Variants in BRCA2 observed in about 807,000 individuals in gnomAD.
The protein encoded by BRCA2 is BRCA2 DNA repair associated, also known as breast cancer type 2 susceptibility protein.
BRCA2 carries 203 observed loss-of-function variants against 276.7 expected under a neutral mutation model. That is an observed-to-expected ratio of 0.73 (90% confidence interval 0.65 to 0.82). The LOEUF is 0.82. Among genes scored for constraint, BRCA2 ranks in the 40% least tolerant of loss-of-function variants. BRCA2 has a pLI of 0.00. For synonymous variants in BRCA2, 1,289 were observed against 1,338.4 expected (o/e 0.96, Z 0.81); for missense variants, 3,920 against 3,915.0 (o/e 1.00, Z -0.03).
chr13:32,390,198 G>A (rs190158430), intron 24 of BRCA2, among the ~76,000 whole-genome samples: 252 of 152,228 alleles, frequency 1.7e-3, no homozygotes, highest in Non-Finnish European at 2.7e-3. Flanking sequence ...AATCTTCAGT[G>A]GTCCCCTGTC....
chr13:32,321,171 G>A (rs2072303513), intron 3 of BRCA2, among the ~76,000 whole-genome samples: 1 of 152,174 alleles, frequency 6.6e-6, no homozygotes, highest in Non-Finnish European at 1.5e-5. Flanking sequence ...ACAGGGCAAA[G>A]CATATGCAGA....
At position 32,339,400 on chromosome 13, in the gene BRCA2, G is replaced by C. The variant is rs41293493; in HGVS notation, c.5045G>C (p.Ser1682Thr). The C allele has an allele frequency of 6.3e-7, 1 of 1,596,296 alleles. No homozygotes were observed. The highest frequency in any genetic ancestry group is 8.5e-7 in the Non-Finnish European group (1 of 1,172,698). Residue 1682 changes from serine (S) to threonine (T), a missense_variant, in exon 11 of 27, where the codon AGT becomes ACT. Ser to Thr is a moderately conservative substitution (Grantham distance 58, BLOSUM62 1). Around this residue, in one of 2 missense-constraint regions of BRCA2, gnomAD observed 3,263 missense variants for 3,156.9 expected, o/e 1.03. Coordinates refer to ENST00000380152, the MANE Select transcript of BRCA2 (RefSeq NM_000059.4). ...YTSCSRKTSV[S>T]QTSLLEAKKW... ...AGTTGTAGTAGAAAAACTTCTGTGA[G>C]TCAGACTTCATTACTTGAAGCAAAA...
chr13:32,322,916 A>G (rs761808245), intron 3 of BRCA2, among the ~76,000 whole-genome samples: 1 of 152,210 alleles, frequency 6.6e-6, no homozygotes, highest in African/African-American at 2.4e-5. Context: ...TATATTTTCA[A>G]CTCATTTTGG....
Position 32,332,323 on chromosome 13 carries a change from A to G in BRCA2, c.845A>G (p.His282Arg), listed in dbSNP as rs774063092. ...NSFKVNSCKD[H>R]IGKSMPNVLE... ...TTTAAAGTAAATAGCTGCAAAGACC[A>G]CATTGGAAAGTCAATGCCAAATGTC... The change falls in exon 10 of 27, where the codon CAC becomes CGC. Residue 282 changes from histidine (H) to arginine (R), a missense_variant. Physicochemically the swap from His to Arg is conservative, Grantham distance 29. Transcript: ENST00000380152. The G allele has an allele frequency of 6.2e-7, 1 of 1,604,254 alleles. No homozygotes were observed. Among genetic ancestry groups the G allele is most frequent in the South Asian group, 1.1e-5 (1 of 88,524 alleles).
At position 32,339,514 on chromosome 13, in the gene BRCA2, C is replaced by A. The variant is rs80358740; in HGVS notation, c.5159C>A (p.Ser1720Ter). 2 of 1,585,818 alleles carry A rather than the reference C, an allele frequency of 1.3e-6. No homozygotes were observed. Among genetic ancestry groups the A allele is most frequent in the African/African-American group, 1.4e-5 (1 of 73,510 alleles). The change falls in exon 11 of 27, where the codon TCA (serine) becomes TAA (stop). Residue 1720 changes from serine (S) to a stop codon, truncating the protein, a stop_gained. Coordinates refer to ENST00000380152, the MANE Select transcript of BRCA2 (RefSeq NM_000059.4). LOFTEE classifies it high-confidence loss of function. ...GGAAATTATTTGTATGAAAATAATT[C>A]AAACAGTACTATAGCTGAAAATGAC... Reference protein sequence around the residue: ...YVGNYLYENNSNSTIAENDKN... With the variant: ...YVGNYLYENN
At chr13:32,375,288 T>C (rs2072863333) in intron 20 of BRCA2, 1 of 384,118 alleles carries the variant, frequency 2.6e-6, no homozygotes, top group Non-Finnish European at 5.1e-6. Flanking sequence ...TTCAGTCACA[T>C]CTTCAGGCTT....
rs80358894 is a variant in BRCA2, at chr13:32,341,038, T to C, written c.6683T>C (p.Val2228Ala). ...GAAAACTACTTTGAAACAGAAGCAG[T>C]AGAAATTGCTAAAGCTTTTATGGAA... ...DSENYFETEA[V>A]EIAKAFMEDD... is the part of the protein sequence containing the mutation. Residue 2228 changes from valine to alanine, a missense_variant, in exon 11 of 27, where the codon GTA becomes GCA. By Grantham distance (64) the Val-to-Ala change is moderately conservative. Around this residue, in one of 2 missense-constraint regions of BRCA2, gnomAD observed 3,263 missense variants for 3,156.9 expected, o/e 1.03. Transcript: ENST00000380152. 1.2e-5 allele frequency: 20 copies of C among 1,613,742 alleles called. No individual in the cohort carries two copies. The highest frequency in any genetic ancestry group is 2.2e-5 in the East Asian group (1 of 44,822).
In BRCA2 at chr13:32,340,844, A is replaced by G. The variant is rs756724277; in HGVS notation, c.6489A>G (p.Gln2163=). ...PYLSQFQQDK[Q]QLVLGTKVSL... Reference sequence around the variant, plus strand: ...TCTCTCAATTTCAACAAGACAAACAACAGTTGGTATTAGGAACCAAAGTGT... The same window carrying G: ...TCTCTCAATTTCAACAAGACAAACAGCAGTTGGTATTAGGAACCAAAGTGT... The change falls in exon 11 of 27, where the codon CAA becomes CAG. Residue 2163 remains glutamine (Q), a synonymous_variant. Coordinates refer to ENST00000380152, the MANE Select transcript of BRCA2 (RefSeq NM_000059.4). 7.5e-6 allele frequency: 12 copies of G among 1,595,082 alleles called. No individual in the cohort carries two copies. In the South Asian group the frequency reaches 1.4e-4, roughly 18 times the overall value.
Position 32,354,841 on chromosome 13 carries a change from ATATT to A in BRCA2, c.7008-18_7008-15del. 1 of 1,470,362 alleles carries A rather than the reference ATATT, an allele frequency of 6.8e-7. No homozygotes were observed. The highest frequency in any genetic ancestry group is 9.5e-7 in the Non-Finnish European group (1 of 1,049,518). The allele number at this position is 1,470,362 out of a possible 1,614,324, so 91.1% of individuals were successfully genotyped here. Reference sequence around the variant, plus strand: ...TATGTGTACTAGTCAATAAACTTATATATTTTCTCCCCATTGCAGCACAACTAAG... The same window carrying A: ...TATGTGTACTAGTCAATAAACTTATATTCTCCCCATTGCAGCACAACTAAG... On this transcript the variant is annotated splice_polypyrimidine_tract_variant and intron_variant, in intron 13 of 26. Coordinates refer to ENST00000380152, the MANE Select transcript of BRCA2 (RefSeq NM_000059.4).
At chr13:32,333,683 G>A (rs117091411) in intron 10 of BRCA2, among the ~76,000 whole-genome samples, 2 of 152,232 alleles carry the variant, frequency 1.3e-5, no homozygotes, top group Non-Finnish European at 2.9e-5. Flanking sequence ...CGTATGCCAT[G>A]TTGGTTTGCT....
At chr13:32,359,222 G>GAAAAAAAAAAAAAAAAAAAAAAA (rs67041705) in intron 16 of BRCA2, among the ~76,000 whole-genome samples, 1 of 107,430 alleles carries the variant, frequency 9.3e-6, no homozygotes, top group Admixed American at 1.1e-4. Context: ...TCCATCTCAA[G>GAAAAAAAAAAAAAAAAAAAAAAA]AAAAAAAAAA....
intron 18 of BRCA2, among the ~76,000 whole-genome samples, chr13:32,367,235 G>C (rs1291192024): frequency 6.6e-6 from 1 of 152,058 alleles, no homozygotes; most frequent in African/African-American, 2.4e-5. Context: ...AGGAGTTTGA[G>C]ACCAGCCTGG....
At chr13:32,356,726 G>A in intron 15 of BRCA2, 117 bp downstream of exon 15, 4 of 1,239,268 alleles carry the variant, frequency 3.2e-6, no homozygotes, top group Non-Finnish European at 4.6e-6. Context: ...AGGAATGGAT[G>A]AATGAAATCA....
chr13:32,355,304 T>C lies in BRCA2; in HGVS notation c.7435+16T>C, dbSNP rs1158134609. The C allele has an allele frequency of 6.2e-7, 1 of 1,613,106 alleles. No homozygotes were observed. Among genetic ancestry groups the C allele is most frequent in the Non-Finnish European group, 8.5e-7 (1 of 1,179,622 alleles). On this transcript the variant is annotated intron_variant, in intron 14 of 26. Coordinates refer to ENST00000380152, the MANE Select transcript of BRCA2 (RefSeq NM_000059.4). The stretch of plus-strand genomic sequence containing the variant: ...GAACCTTTAGGTATTGTATGACAAT[T>C]TGTGTGATGAATTTTTGCCTTTCAG...
At chr13:32,325,901 A>G (rs1056556711) in intron 4 of BRCA2, among the ~76,000 whole-genome samples, 200 bp from the exon 5 acceptor site, 1 of 152,228 alleles carries the variant, frequency 6.6e-6, no homozygotes, top group Non-Finnish European at 1.5e-5. Context: ...TTGTGAGTAC[A>G]TATGTGTTGG....
At position 32,341,116 on chromosome 13, in the gene BRCA2, T is replaced by A. The variant is rs786202915; in HGVS notation, c.6761T>A (p.Phe2254Tyr). ...CCAAGTCATGCCACACATTCTCTTT[T>A]TACATGTCCCGAAAATGAGGAAATG... ...KLPSHATHSL[F>Y]TCPENEEMVL... is the part of the protein sequence containing the mutation. The change falls in exon 11 of 27, where the codon TTT (phenylalanine) becomes TAT (tyrosine). Residue 2254 changes from phenylalanine (F) to tyrosine (Y), a missense_variant. Physicochemically the swap from Phe to Tyr is conservative, Grantham distance 22. Around this residue, in one of 2 missense-constraint regions of BRCA2, gnomAD observed 3,263 missense variants for 3,156.9 expected, o/e 1.03. Coordinates refer to ENST00000380152, the MANE Select transcript of BRCA2 (RefSeq NM_000059.4). 2.5e-6 allele frequency: 4 copies of A among 1,613,986 alleles called. No individual in the cohort carries two copies. The highest frequency in any genetic ancestry group is 2.2e-5 in the East Asian group (1 of 44,818).
chr13:32,387,522 G>T (rs1378013525), intron 24 of BRCA2, among the ~76,000 whole-genome samples: 5 of 152,142 alleles, frequency 3.3e-5, no homozygotes, highest in Non-Finnish European at 7.4e-5. Context: ...CCGCAAAAGG[G>T]AGTCTCATTT....
chr13:32,338,726 G>A lies in BRCA2; in HGVS notation c.4371G>A (p.Leu1457=), dbSNP rs755130086. 1.3e-6 allele frequency: 2 copies of A among 1,599,426 alleles called. No homozygotes were observed. The highest frequency in any genetic ancestry group is 2.3e-5 in the South Asian group (2 of 88,642). ...TCTTTGATCAGAAACCAGAAGAATT[G>A]CATAACTTTTCCTTAAATTCTGAAT... ...VNFFDQKPEE[L]HNFSLNSELH... The change falls in exon 11 of 27, where the codon TTG becomes TTA. Residue 1457 remains leucine (L), a synonymous_variant. Transcript: ENST00000380152.
At chr13:32,326,940 G>C (rs2072354601) in intron 7 of BRCA2, among the ~76,000 whole-genome samples, 1 of 152,112 alleles carries the variant, frequency 6.6e-6, no homozygotes, top group Non-Finnish European at 1.5e-5. Flanking sequence ...AAATGATTGT[G>C]GTAATTGGGG....
Sources: gnomAD v4.1 joint callset for allele counts (sites outside exome capture counted in the v4.1 genomes callset) on GRCh38, gnomAD v4.1.1 for gene constraint, gnomAD v4.1.1 regional missense constraint, MANE v1.5 for transcripts, NCBI Gene and HGNC (gene_info 2026-07-23, HGNC 2026-07-21) for gene names.